Variants in PRKG2 observed in about 807,000 individuals in gnomAD.
PRKG2 encodes the protein protein kinase cGMP-dependent 2, also known as cGMP-dependent protein kinase 2.
A neutral mutation model predicts 97.2 loss-of-function variants in PRKG2; 33 were observed. That is an observed-to-expected ratio of 0.34 (90% confidence interval 0.26 to 0.45). PRKG2 has a LOEUF of 0.45. Among genes scored for constraint, PRKG2 ranks in the 20% least tolerant of loss-of-function variants. The probability of loss-of-function intolerance (pLI) is 1.00; values close to 1 mark genes in which losing one functional copy is unlikely to be tolerated. For synonymous variants in PRKG2, 330 were observed against 321.8 expected (o/e 1.03, Z -0.27); for missense variants, 638 against 900.0 (o/e 0.71, Z 3.73).
At chr4:81,155,356 G>A (rs1335249107) in intron 6 of PRKG2, among the ~76,000 whole-genome samples, 3 of 151,944 alleles carry the variant, frequency 2.0e-5, no homozygotes, top group African/African-American at 7.3e-5. Flanking sequence ...TGAATGAAAT[G>A]AAGCGAGAAG....
chr4:81,163,434 C>A (rs1312513127), intron 6 of PRKG2, among the ~76,000 whole-genome samples: 1 of 152,086 alleles, frequency 6.6e-6, no homozygotes, highest in Non-Finnish European at 1.5e-5. Context: ...TTAATTCTGA[C>A]CAACAGTAAG....
At chr4:81,122,185 A>G (rs1286834816) in intron 14 of PRKG2, among the ~76,000 whole-genome samples, 1 of 152,222 alleles carries the variant, frequency 6.6e-6, no homozygotes, top group Non-Finnish European at 1.5e-5. Flanking sequence ...TAGGTTGAGA[A>G]CAAAGTGGGC....
At chr4:81,210,016 C>T (rs1210895506) in intron 1 of PRKG2, among the ~76,000 whole-genome samples, 1 of 151,978 alleles carries the variant, frequency 6.6e-6, no homozygotes, top group Non-Finnish European at 1.5e-5. Flanking sequence ...ACCGGAACAA[C>T]TAGGCATTAA....
chr4:81,094,211 C>T (rs1187830624), intron 17 of PRKG2, among the ~76,000 whole-genome samples: 1 of 151,998 alleles, frequency 6.6e-6, no homozygotes, highest in Non-Finnish European at 1.5e-5. Flanking sequence ...TGACTGGTGC[C>T]TAGTTTTAAA....
At chr4:81,100,898 G>A (rs1184654063) in intron 17 of PRKG2, among the ~76,000 whole-genome samples, 1 of 152,142 alleles carries the variant, frequency 6.6e-6, no homozygotes, top group East Asian at 1.9e-4. Flanking sequence ...ATCAACAAGT[G>A]GGCGAAGGAT....
intron 8 of PRKG2, among the ~76,000 whole-genome samples, chr4:81,151,703 CCTT>C (rs1195337258): frequency 1.3e-5 from 2 of 151,822 alleles, no homozygotes; most frequent in African/African-American, 4.8e-5. Flanking sequence ...TTTCTCAGAC[CCTT>C]TTTTGAAACT....
At chr4:81,215,594 C>A (rs560960802), upstream of PRKG2, among the ~76,000 whole-genome samples, 9 of 152,094 alleles carry the variant, frequency 5.9e-5, no homozygotes, top group Non-Finnish European at 1.3e-4. Flanking sequence ...CTCTCCACTT[C>A]GCCTTCCCTC....
At chr4:81,090,342 A>G (rs1042264685) in intron 18 of PRKG2, among the ~76,000 whole-genome samples, 2 of 152,002 alleles carry the variant, frequency 1.3e-5, no homozygotes, top group Non-Finnish European at 2.9e-5. Flanking sequence ...TGGGTAACAG[A>G]GTGAGACTTT....
At chr4:81,172,829 T>A (rs1011481012) in intron 3 of PRKG2, among the ~76,000 whole-genome samples, 1 of 152,080 alleles carries the variant, frequency 6.6e-6, no homozygotes, top group African/African-American at 2.4e-5. Context: ...GTACCTATGT[T>A]GTGCTGGGAA....
At chr4:81,094,171 G>C (rs76802394) in intron 17 of PRKG2, among the ~76,000 whole-genome samples, 5,439 of 152,242 alleles carry the variant, frequency 0.036, 342 homozygotes, top group African/African-American at 0.12. Flanking sequence ...AAGTATATCA[G>C]CCTTCTTTTA....
Position 81,121,514 on chromosome 4 carries a change from T to C in PRKG2, c.1777-10903A>G, listed in dbSNP as rs141552386. The stretch of plus-strand genomic sequence containing the variant: ...CTATTCAGATTGCCTATTCCTCTTG[T>C]GTGACTTTTGACAGATTGTGTCTTT... On this transcript the variant is annotated intron_variant, in intron 14 of 18. Transcript: ENST00000264399. Among the ~76,000 whole-genome samples the C allele has an allele frequency of 7.9e-5, 12 of 152,308 alleles. No homozygotes were observed. In the East Asian group the frequency reaches 2.1e-3, roughly 27 times the overall value.
intron 5 of PRKG2, among the ~76,000 whole-genome samples, chr4:81,168,737 A>C (rs1750207281): frequency 6.6e-6 from 1 of 152,124 alleles, no homozygotes; most frequent in Non-Finnish European, 1.5e-5. Context: ...AGGACAAATC[A>C]GTAAGATTCT....
At chr4:81,198,886 C>A (rs1337419764) in intron 2 of PRKG2, among the ~76,000 whole-genome samples, 2 of 152,088 alleles carry the variant, frequency 1.3e-5, no homozygotes, top group East Asian at 3.9e-4. Flanking sequence ...GAAATATAAC[C>A]TTTTGTTTTC....
At chr4:81,132,479 C>T (rs1746274011) in intron 14 of PRKG2, among the ~76,000 whole-genome samples, 1 of 152,258 alleles carries the variant, frequency 6.6e-6, no homozygotes, top group South Asian at 2.1e-4. Context: ...ATAAAAAATG[C>T]TCACTACCTT....
intron 14 of PRKG2, among the ~76,000 whole-genome samples, chr4:81,130,480 T>C (rs978858884): frequency 6.6e-6 from 1 of 152,152 alleles, no homozygotes; most frequent in Non-Finnish European, 1.5e-5. Context: ...GGGACCCACT[T>C]GAGGAGGCAG....
intron 17 of PRKG2, among the ~76,000 whole-genome samples, chr4:81,093,110 C>G (rs564504824): frequency 6.6e-6 from 1 of 152,004 alleles, no homozygotes; most frequent in East Asian, 1.9e-4. Flanking sequence ...TTGTTTCTAC[C>G]ACCATCCTTC....
intron 14 of PRKG2, among the ~76,000 whole-genome samples, chr4:81,127,593 G>A (rs1487838412): frequency 2.0e-5 from 3 of 152,038 alleles, no homozygotes; most frequent in African/African-American, 7.3e-5. Flanking sequence ...TCTCTTTGTA[G>A]CAATTGTGAA....
intron 15 of PRKG2, among the ~76,000 whole-genome samples, chr4:81,106,150 C>T (rs987723159): frequency 1.3e-5 from 2 of 152,052 alleles, no homozygotes; most frequent in Admixed American, 1.3e-4. Context: ...CATGCACATA[C>T]AGGTAATTGG....
intron 18 of PRKG2, 25 bp from the exon 19 acceptor site, chr4:81,089,828 A>C (rs1199358601): frequency 1.3e-6 from 2 of 1,541,942 alleles, no homozygotes; most frequent in South Asian, 2.2e-5. Flanking sequence ...ATTAAAACAA[A>C]AGGAAGAATA....
Sources: gnomAD v4.1 joint callset for allele counts (sites outside exome capture counted in the v4.1 genomes callset) on GRCh38, gnomAD v4.1.1 for gene constraint, MANE v1.5 for transcripts, NCBI Gene and HGNC (gene_info 2026-07-23, HGNC 2026-07-21) for gene names.